Variants in RAD54B observed in about 807,000 individuals in gnomAD.
The protein encoded by RAD54B is DNA repair and recombination protein RAD54B.
In RAD54B, 78 loss-of-function variants were observed where a neutral mutation model predicts 95.8. The ratio of observed to expected loss-of-function variants is 0.81; its 90% CI spans 0.68 to 0.98. The LOEUF (loss-of-function observed/expected upper bound fraction) is 0.98. RAD54B is among the 50% of genes least tolerant of loss of function. The probability of loss-of-function intolerance (pLI) is 0.00; values close to 1 mark genes in which losing one functional copy is unlikely to be tolerated. For missense variants in RAD54B, 957 were observed against 1,056.6 expected (o/e 0.91, Z 1.31); for synonymous variants, 328 against 354.9 (o/e 0.92, Z 0.85).
At chr8:94,436,782 G>A (rs1812275900) in intron 3 of RAD54B, 1 of 1,550,100 alleles carries the variant, frequency 6.5e-7, no homozygotes, top group South Asian at 1.2e-5. Flanking sequence ...TGTGTTCTTC[G>A]AGAATTTTCA....
intron 2 of RAD54B, among the ~76,000 whole-genome samples, chr8:94,462,929 A>C (rs918802720): frequency 6.6e-6 from 1 of 152,206 alleles, no homozygotes; most frequent in Non-Finnish European, 1.5e-5. Context: ...TAATCCCAAC[A>C]TTTTGGGACA....
chr8:94,430,596 G>C (rs1812067103), intron 3 of RAD54B: 1 of 607,560 alleles, frequency 1.6e-6, no homozygotes, highest in Non-Finnish European at 2.1e-6. Flanking sequence ...AAGTGATGCT[G>C]ATGCTGCTGG....
At chr8:94,392,018 GAAATAA>G (rs1180603116) in intron 9 of RAD54B, 119 bp from the exon 10 acceptor site, 2 of 955,274 alleles carry the variant, frequency 2.1e-6, no homozygotes, top group African/African-American at 3.3e-5. Context: ...AATTTTAAAA[GAAATAA>G]AATATGAGTA....
intron 3 of RAD54B, among the ~76,000 whole-genome samples, chr8:94,419,111 A>G (rs1441877944): frequency 6.6e-6 from 1 of 152,234 alleles, no homozygotes. Context: ...CTCAACATTC[A>G]GCCGACATAT....
chr8:94,431,599 T>A, intron 3 of RAD54B: 1 of 920,308 alleles, frequency 1.1e-6, no homozygotes, highest in Non-Finnish European at 1.3e-6. Context: ...CTGGACCTGT[T>A]TCATTACCCC....
chr8:94,412,940 T>C (rs563441492), intron 3 of RAD54B, among the ~76,000 whole-genome samples: 3 of 152,250 alleles, frequency 2.0e-5, no homozygotes, highest in Admixed American at 2.0e-4. Context: ...AAAAATAAAA[T>C]TTTTTAAATT....
At chr8:94,452,841 T>C (rs956680648) in intron 3 of RAD54B, among the ~76,000 whole-genome samples, 1 of 152,114 alleles carries the variant, frequency 6.6e-6, no homozygotes, top group Non-Finnish European at 1.5e-5. Flanking sequence ...ATCTTTAACA[T>C]CAAAAAGTTT....
At chr8:94,436,573 T>C in intron 3 of RAD54B, 1 of 1,550,518 alleles carries the variant, frequency 6.4e-7, no homozygotes, top group Non-Finnish European at 8.7e-7. Flanking sequence ...CTTGGTTGGC[T>C]CAGAAATATT....
At chr8:94,457,965 G>A (rs55780725) in intron 3 of RAD54B, among the ~76,000 whole-genome samples, 1 of 151,558 alleles carries the variant, frequency 6.6e-6, no homozygotes, top group African/African-American at 2.4e-5. Flanking sequence ...ATGCTTTTTA[G>A]AAAAAAAATG....
At chr8:94,438,363 T>C (rs1812320062) in intron 3 of RAD54B, among the ~76,000 whole-genome samples, 1 of 152,246 alleles carries the variant, frequency 6.6e-6, no homozygotes, top group Admixed American at 6.5e-5. Flanking sequence ...GATTCCATAA[T>C]AGTTCTACCC....
chr8:94,398,289 C>T (rs182623365), intron 8 of RAD54B, among the ~76,000 whole-genome samples: 1 of 152,088 alleles, frequency 6.6e-6, no homozygotes, highest in Non-Finnish European at 1.5e-5. Flanking sequence ...TTTTAAAAAT[C>T]GCTTTTGATA....
chr8:94,396,342 A>C (rs911619826), intron 8 of RAD54B, among the ~76,000 whole-genome samples: 1 of 152,022 alleles, frequency 6.6e-6, no homozygotes, highest in African/African-American at 2.4e-5. Flanking sequence ...AACTTCTGAG[A>C]AAATGAAAGG....
intron 3 of RAD54B, among the ~76,000 whole-genome samples, chr8:94,419,177 T>C (rs1811742086): frequency 6.6e-6 from 1 of 152,134 alleles, no homozygotes; most frequent in Non-Finnish European, 1.5e-5. Flanking sequence ...AAGTAAAAAA[T>C]AGGCATAAAA....
rs553327010 is a variant in RAD54B, at chr8:94,461,448, C to G, written c.136-3012G>C. Among the ~76,000 whole-genome samples the G allele has an allele frequency of 1.1e-4, 17 of 151,378 alleles. No homozygotes were observed. The South Asian group carries it at 3.3e-3, about 30-fold the overall frequency. On this transcript the variant is annotated intron_variant, in intron 2 of 14. Transcript: ENST00000336148. ...CCTCCCAAAGTGCTGGGATTACAGG[C>G]GTGAGCCACCACACCCGGCCATAAA...
intron 3 of RAD54B, among the ~76,000 whole-genome samples, chr8:94,418,207 C>T (rs1158598729): frequency 1.3e-5 from 2 of 152,140 alleles, no homozygotes; most frequent in Non-Finnish European, 2.9e-5. Context: ...TCCCTTATTA[C>T]TGGACTTTTT....
chr8:94,396,867 A>G (rs1229605283), intron 8 of RAD54B, among the ~76,000 whole-genome samples: 1 of 152,084 alleles, frequency 6.6e-6, no homozygotes, highest in Admixed American at 6.6e-5. Context: ...TCCTTCTAAG[A>G]AGAGAGAGAG....
At chr8:94,391,421 T>A (rs945144941) in intron 10 of RAD54B, among the ~76,000 whole-genome samples, 188 bp downstream of exon 10, 1 of 147,416 alleles carries the variant, frequency 6.8e-6, no homozygotes, top group East Asian at 2.0e-4. Flanking sequence ...GCTCTAGGAG[T>A]GTGGACATGC....
At chr8:94,437,800 G>A (rs1381755089) in intron 3 of RAD54B, among the ~76,000 whole-genome samples, 1 of 152,066 alleles carries the variant, frequency 6.6e-6, no homozygotes, top group African/African-American at 2.4e-5. Flanking sequence ...ACACAGTTTG[G>A]ACTATGAAAG....
intron 2 of RAD54B, among the ~76,000 whole-genome samples, chr8:94,460,826 T>TCAA (rs1812882895): frequency 6.6e-6 from 1 of 152,052 alleles, no homozygotes; most frequent in South Asian, 2.1e-4. Context: ...ATATTCAAAG[T>TCAA]CAACTATGTT....
Sources: gnomAD v4.1 joint callset for allele counts (sites outside exome capture counted in the v4.1 genomes callset) on GRCh38, gnomAD v4.1.1 for gene constraint, MANE v1.5 for transcripts, NCBI Gene and HGNC (gene_info 2026-07-23, HGNC 2026-07-21) for gene names.